The following COP1 variants were observed in gnomAD, a reference collection of about 807,000 sequenced individuals.
COP1 encodes E3 ubiquitin-protein ligase COP1.
COP1 carries 24 observed loss-of-function variants against 101.3 expected under a neutral mutation model. The ratio of observed to expected loss-of-function variants is 0.24; its 90% CI spans 0.17 to 0.33. COP1 has a LOEUF of 0.33. Among genes scored for constraint, COP1 ranks in the 10% least tolerant of loss-of-function variants. The pLI, the probability that COP1 is intolerant of heterozygous loss-of-function variation, is 1.00. For synonymous variants in COP1, 347 were observed against 341.9 expected, an observed-to-expected ratio of 1.01 and a Z score of -0.17; for missense variants, 663 against 906.2, an observed-to-expected ratio of 0.73 and a Z score of 3.45.
At chr1:175,997,458 G>T (rs1660462393) in intron 15 of COP1, among the ~76,000 whole-genome samples, 1 of 151,986 alleles carries the variant, frequency 6.6e-6, no homozygotes, top group Non-Finnish European at 1.5e-5. Context: ...AGAGTGAATA[G>T]GCAACCTACA....
chr1:176,154,338 T>C (rs1482294124), intron 5 of COP1, among the ~76,000 whole-genome samples: 1 of 152,188 alleles, frequency 6.6e-6, no homozygotes, highest in African/African-American at 2.4e-5. Flanking sequence ...CATATGCACA[T>C]GTATGTTCAC....
At chr1:176,019,077 A>T (rs560358647) in intron 15 of COP1, among the ~76,000 whole-genome samples, 1 of 152,212 alleles carries the variant, frequency 6.6e-6, no homozygotes, top group African/African-American at 2.4e-5. Flanking sequence ...GAGGCACGAG[A>T]ATCGCTTGAA....
At chr1:176,142,088 T>C (rs1472151553) in intron 6 of COP1, among the ~76,000 whole-genome samples, 3 of 151,928 alleles carry the variant, frequency 2.0e-5, no homozygotes, top group Non-Finnish European at 4.4e-5. Flanking sequence ...ACCAAATAAA[T>C]AAATGATAGA....
chr1:176,199,395 TAC>T (rs35506914), intron 1 of COP1, among the ~76,000 whole-genome samples: 42,860 of 151,910 alleles, frequency 0.28, 6,846 homozygotes, highest in East Asian at 0.51. Context: ...AAACTAAACA[TAC>T]ACTTGGCAGA....
chr1:176,031,135 T>C (rs1411995715), intron 14 of COP1, among the ~76,000 whole-genome samples: 8 of 152,228 alleles, frequency 5.3e-5, no homozygotes, highest in African/African-American at 1.9e-4. Context: ...TTTGGGCTTC[T>C]GGTCTTCAGT....
intron 15 of COP1, among the ~76,000 whole-genome samples, chr1:176,025,422 A>G (rs1667494661): frequency 6.6e-6 from 1 of 151,804 alleles, no homozygotes. Flanking sequence ...GATACAAAAC[A>G]AATATCCAAA....
intron 5 of COP1, among the ~76,000 whole-genome samples, chr1:176,151,357 GAA>G (rs753197621): frequency 3.4e-5 from 1 of 29,534 alleles, no homozygotes; most frequent in South Asian, 8.9e-4. Context: ...GAAAGAAAAA[GAA>G]AGAAAGAAAG....
At chr1:176,022,936 T>C (rs1667006446) in intron 15 of COP1, among the ~76,000 whole-genome samples, 1 of 152,250 alleles carries the variant, frequency 6.6e-6, no homozygotes, top group Admixed American at 6.5e-5. Flanking sequence ...GAACATTTTA[T>C]GGTCGTTCTC....
intron 18 of COP1, among the ~76,000 whole-genome samples, chr1:175,981,403 G>GA (rs1302721801): frequency 1.3e-5 from 2 of 151,926 alleles, no homozygotes; most frequent in African/African-American, 4.8e-5. Flanking sequence ...CAGGGAGGAA[G>GA]AAAAAAGAAT....
intron 11 of COP1, among the ~76,000 whole-genome samples, chr1:176,070,835 T>C (rs1210943772): frequency 2.0e-5 from 3 of 152,076 alleles, no homozygotes; most frequent in Non-Finnish European, 4.4e-5. Flanking sequence ...TTTATTTTTG[T>C]AGAAATGAGG....
intron 18 of COP1, among the ~76,000 whole-genome samples, chr1:175,969,031 A>G (rs1652713712): frequency 6.6e-6 from 1 of 152,254 alleles, no homozygotes; most frequent in Non-Finnish European, 1.5e-5. Flanking sequence ...AGAACCGTGC[A>G]TATTTAAGAG....
intron 11 of COP1, among the ~76,000 whole-genome samples, chr1:176,059,982 GTTTT>G (rs924212017): frequency 6.6e-6 from 1 of 151,872 alleles, no homozygotes; most frequent in Non-Finnish European, 1.5e-5. Context: ...ACCTTAAACT[GTTTT>G]TTTAATAGCA....
At chr1:175,999,860 G>A (rs1661174439) in intron 15 of COP1, among the ~76,000 whole-genome samples, 1 of 152,222 alleles carries the variant, frequency 6.6e-6, no homozygotes, top group East Asian at 1.9e-4. Flanking sequence ...GATGATCAAT[G>A]ATGTTGAGCA....
At chr1:176,198,754 T>C (rs926115783) in intron 1 of COP1, among the ~76,000 whole-genome samples, 9 of 151,964 alleles carry the variant, frequency 5.9e-5, no homozygotes, top group Middle Eastern at 3.2e-3. Context: ...AAAGAACACT[T>C]ACAACGCAAG....
At chr1:176,041,803 T>C (rs1036671754) in intron 14 of COP1, among the ~76,000 whole-genome samples, 30 of 152,030 alleles carry the variant, frequency 2.0e-4, no homozygotes, top group Non-Finnish European at 3.2e-4. Flanking sequence ...CCATCTCTAC[T>C]AAAAATTTTT....
intron 18 of COP1, among the ~76,000 whole-genome samples, chr1:175,954,527 A>C (rs971762586): frequency 3.3e-5 from 5 of 152,182 alleles, no homozygotes; most frequent in Non-Finnish European, 7.4e-5. Context: ...AAGAAAATGT[A>C]AGTTAACAAT....
chr1:176,002,428 A>C (rs868362040), intron 15 of COP1, among the ~76,000 whole-genome samples: 3 of 152,018 alleles, frequency 2.0e-5, no homozygotes, highest in Admixed American at 6.6e-5. Context: ...ATATGTATAC[A>C]TGTGCCATGC....
At chr1:176,171,124 CAAAAAAAAAAAAA>C (rs1174700907) in intron 3 of COP1, among the ~76,000 whole-genome samples, 2 of 56,848 alleles carry the variant, frequency 3.5e-5, no homozygotes, top group African/African-American at 7.0e-5. Flanking sequence ...GACTCCATCT[CAAAAAAAAAAAAA>C]AAAAAAAAAA....
chr1:176,036,520 A>AAAAAAAAAC (rs1553232075), intron 14 of COP1, among the ~76,000 whole-genome samples: 10 of 143,780 alleles, frequency 7.0e-5, no homozygotes, highest in Admixed American at 6.9e-5. Flanking sequence ...AAAAAAAAAA[A>AAAAAAAAAC]AAAAAAGCAT....
Sources: allele counts gnomAD v4.1 joint callset (sites outside exome capture counted in the v4.1 genomes callset), GRCh38; gene constraint gnomAD v4.1.1; transcripts MANE v1.5; gene names NCBI Gene and HGNC (gene_info 2026-07-23, HGNC 2026-07-21).